JMJD1C: variants seen among roughly 807,000 people sequenced by gnomAD.
JMJD1C encodes the protein jumonji domain-containing protein 1C.
A neutral mutation model predicts 245.3 loss-of-function variants in JMJD1C; 31 were observed. The ratio of observed to expected loss-of-function variants is 0.13; its 90% CI spans 0.09 to 0.17. The LOEUF (loss-of-function observed/expected upper bound fraction) is 0.17, where lower values mean the gene tolerates loss of function less well. Ranked by LOEUF, JMJD1C falls within the 10% of genes least tolerant of loss-of-function variation. The pLI is 1.00. For synonymous variants in JMJD1C, 1,057 were observed against 1,017.4 expected, an observed-to-expected ratio of 1.04 and a Z score of -0.74; for missense variants, 2,691 against 3,000.2, an observed-to-expected ratio of 0.90 and a Z score of 2.41.
intron 2 of JMJD1C, among the ~76,000 whole-genome samples, chr10:63,277,687 A>AC (rs372640820): frequency 6.7e-6 from 1 of 150,024 alleles, no homozygotes; most frequent in Non-Finnish European, 1.5e-5. Context: ...AAACAAATTG[A>AC]CCAAGTAAGA....
intron 2 of JMJD1C, among the ~76,000 whole-genome samples, chr10:63,306,583 G>A (rs1938274562): frequency 6.6e-6 from 1 of 152,118 alleles, no homozygotes; most frequent in South Asian, 2.1e-4. Context: ...ATTTTAAAAA[G>A]TGTATATATA....
chr10:63,258,692 T>C (rs1347134122), intron 3 of JMJD1C, among the ~76,000 whole-genome samples: 4 of 152,246 alleles, frequency 2.6e-5, no homozygotes, highest in Non-Finnish European at 5.9e-5. Flanking sequence ...TGACTTCTCC[T>C]ATCTTTGTAT....
chr10:63,213,578 A>T lies in JMJD1C; in HGVS notation c.2589T>A (p.Ile863=). The T allele has an allele frequency of 6.2e-7, 1 of 1,614,146 alleles. No homozygotes were observed. Among genetic ancestry groups the T allele is most frequent in the Non-Finnish European group, 8.5e-7 (1 of 1,179,978 alleles). Residue 863 remains isoleucine, a synonymous_variant, in exon 8 of 26, where the codon ATT becomes ATA. Coordinates refer to ENST00000399262, the MANE Select transcript of JMJD1C (RefSeq NM_032776.3). ...SYNQLGLYPI[I]WQYPNGTHAY... ...CATGTGTTCCATTTGGATACTGCCA[A>T]ATAATTGGATAAAGTCCAAGCTGAT...
intron 1 of JMJD1C, among the ~76,000 whole-genome samples, chr10:63,496,837 CA>C (rs1350825714): frequency 6.6e-6 from 1 of 152,172 alleles, no homozygotes; most frequent in Non-Finnish European, 1.5e-5. Flanking sequence ...CAGTTCTGAG[CA>C]AAGGCTTTAA....
intron 1 of JMJD1C, among the ~76,000 whole-genome samples, chr10:63,408,040 A>G (rs1042230549): frequency 1.3e-5 from 2 of 152,196 alleles, no homozygotes; most frequent in African/African-American, 4.8e-5. Flanking sequence ...GAAACAATTC[A>G]GAAAAACTTT....
intron 1 of JMJD1C, among the ~76,000 whole-genome samples, chr10:63,415,871 C>T (rs1949769628): frequency 6.6e-6 from 1 of 152,178 alleles, no homozygotes; most frequent in Non-Finnish European, 1.5e-5. Context: ...ATTAAGGCAA[C>T]TCCTTCCCCT....
At chr10:63,365,657 C>A (rs1945776903) in intron 2 of JMJD1C, among the ~76,000 whole-genome samples, 1 of 152,142 alleles carries the variant, frequency 6.6e-6, no homozygotes, top group Non-Finnish European at 1.5e-5. Flanking sequence ...CATTTTCACT[C>A]TCAGTTGTGC....
At chr10:63,520,549 A>G (rs1204979893) in intron 1 of JMJD1C, among the ~76,000 whole-genome samples, 1 of 151,750 alleles carries the variant, frequency 6.6e-6, no homozygotes, top group Non-Finnish European at 1.5e-5. Context: ...CCTTGAAATG[A>G]TATTTGCAAG....
At chr10:63,230,240 C>G (rs148978176) in intron 3 of JMJD1C, among the ~76,000 whole-genome samples, 2 of 152,040 alleles carry the variant, frequency 1.3e-5, no homozygotes, top group Non-Finnish European at 2.9e-5. Flanking sequence ...AGCATGGTGG[C>G]GCTTGCCTGT....
intron 2 of JMJD1C, among the ~76,000 whole-genome samples, chr10:63,313,892 T>G (rs1484990886): frequency 6.6e-6 from 1 of 152,254 alleles, no homozygotes; most frequent in Non-Finnish European, 1.5e-5. Flanking sequence ...GTTGCCTGTT[T>G]ACTCTGTTGT....
At chr10:63,198,965 C>T (rs1054086726) in intron 11 of JMJD1C, among the ~76,000 whole-genome samples, 1 of 152,046 alleles carries the variant, frequency 6.6e-6, no homozygotes. Context: ...AATAAGATCA[C>T]TTATACTTAC....
At chr10:63,404,114 CA>C (rs779807728) in intron 1 of JMJD1C, among the ~76,000 whole-genome samples, 24 of 139,390 alleles carry the variant, frequency 1.7e-4, no homozygotes, top group South Asian at 6.8e-4. Flanking sequence ...GACTCCATCT[CA>C]AAAAAAAAAA....
intron 1 of JMJD1C, among the ~76,000 whole-genome samples, chr10:63,391,233 A>G (rs1174763478): frequency 1.3e-5 from 2 of 152,192 alleles, no homozygotes; most frequent in African/African-American, 4.8e-5. Context: ...GAAGGTGGCC[A>G]GGCGTGGTGG....
At chr10:63,353,479 TTGAC>T (rs1380727952) in intron 2 of JMJD1C, among the ~76,000 whole-genome samples, 5 of 152,174 alleles carry the variant, frequency 3.3e-5, no homozygotes, top group African/African-American at 1.2e-4. Flanking sequence ...TTCACAATAA[TTGAC>T]TGCTTCCTTT....
intron 1 of JMJD1C, among the ~76,000 whole-genome samples, chr10:63,473,968 G>A (rs753932584): frequency 2.4e-4 from 37 of 152,024 alleles, no homozygotes; most frequent in Admixed American, 4.6e-4. Context: ...CCTAGATCCC[G>A]GGAGGCGAAC....
chr10:63,492,602 A>C (rs1954212545), intron 1 of JMJD1C, among the ~76,000 whole-genome samples: 1 of 152,186 alleles, frequency 6.6e-6, no homozygotes, highest in African/African-American at 2.4e-5. Context: ...TGAACCCAGG[A>C]GACAGAGGTG....
At chr10:63,288,061 T>G (rs1188268896) in intron 2 of JMJD1C, among the ~76,000 whole-genome samples, 1 of 152,174 alleles carries the variant, frequency 6.6e-6, no homozygotes, top group Admixed American at 6.5e-5. Context: ...TTAAATTTTT[T>G]GTAGAGACAG....
At chr10:63,251,949 C>T (rs1853147942) in intron 3 of JMJD1C, among the ~76,000 whole-genome samples, 1 of 152,160 alleles carries the variant, frequency 6.6e-6, no homozygotes, top group African/African-American at 2.4e-5. Context: ...GAGGTGGAGG[C>T]TGCAGTTGAG....
At chr10:63,333,837 C>T (rs138402259) in intron 2 of JMJD1C, among the ~76,000 whole-genome samples, 280 of 152,228 alleles carry the variant, frequency 1.8e-3, no homozygotes, top group African/African-American at 6.5e-3. Context: ...AGGGTCATTT[C>T]ACCTTGATAT....
Sources: gnomAD v4.1 joint callset for allele counts (sites outside exome capture counted in the v4.1 genomes callset) on GRCh38, gnomAD v4.1.1 for gene constraint, MANE v1.5 for transcripts, NCBI Gene and HGNC (gene_info 2026-07-23, HGNC 2026-07-21) for gene names.